Variants in LGSN observed in about 807,000 individuals in gnomAD.
The protein encoded by LGSN is lengsin.
LGSN carries 21 observed loss-of-function variants against 19.5 expected under a neutral mutation model. That is an observed-to-expected ratio of 1.07 (90% CI 0.76 to 1.55). The LOEUF (loss-of-function observed/expected upper bound fraction) is 1.55, where lower values mean the gene tolerates loss of function less well. Among genes scored for constraint, LGSN ranks in the 40% most tolerant of loss-of-function variants. The probability of loss-of-function intolerance (pLI) is 0.00; values close to 1 mark genes in which losing one functional copy is unlikely to be tolerated. For synonymous variants in LGSN, 257 were observed against 215.6 expected, an observed-to-expected ratio of 1.19 and a Z score of -1.68; for missense variants, 673 against 608.5, an observed-to-expected ratio of 1.11 and a Z score of -1.12.
the LGSN span, among the ~76,000 whole-genome samples, chr6:63,386,950 A>C: frequency 1.6e-4 from 24 of 152,166 alleles, no homozygotes; most frequent in African/African-American, 5.3e-4. Flanking sequence ...AAAATACAAA[A>C]ATCAGCCAGA....
At chr6:63,371,109 T>C in the LGSN span, among the ~76,000 whole-genome samples, 1 of 152,256 alleles carries the variant, frequency 6.6e-6, no homozygotes, top group Admixed American at 6.5e-5. Context: ...TATCATTATC[T>C]CTTTCCCTTT....
At chr6:63,339,961 C>A in the LGSN span, among the ~76,000 whole-genome samples, 1 of 152,030 alleles carries the variant, frequency 6.6e-6, no homozygotes, top group East Asian at 1.9e-4. Context: ...GTGATTAATT[C>A]CCTCAGTTTT....
the LGSN span, chr6:63,441,646 G>A: frequency 4.2e-6 from 2 of 480,896 alleles, no homozygotes; most frequent in East Asian, 5.2e-5. Context: ...AGAAGGCAGA[G>A]GAGAAAGAGT....
the LGSN span, chr6:63,441,122 T>A: frequency 5.6e-6 from 1 of 179,054 alleles, no homozygotes; most frequent in African/African-American, 2.4e-5. Context: ...GGCAGGAGAA[T>A]CGCTCTAACC....
the LGSN span, among the ~76,000 whole-genome samples, chr6:63,437,932 A>AAT: frequency 5.9e-5 from 9 of 151,708 alleles, no homozygotes; most frequent in South Asian, 2.1e-4. Context: ...TATCTCAAAA[A>AAT]ATATATATAT....
chr6:63,524,491 T>C, the LGSN span, among the ~76,000 whole-genome samples: 1 of 152,192 alleles, frequency 6.6e-6, no homozygotes, highest in African/African-American at 2.4e-5. Context: ...AGGTAGTATA[T>C]GTAAAAGCAT....
the LGSN span, among the ~76,000 whole-genome samples, chr6:63,365,884 A>C: frequency 6.6e-6 from 1 of 152,254 alleles, no homozygotes; most frequent in African/African-American, 2.4e-5. Context: ...GACAAAATTC[A>C]ACAGAGCTTC....
chr6:63,407,101 C>T, the LGSN span, among the ~76,000 whole-genome samples: 1 of 151,888 alleles, frequency 6.6e-6, no homozygotes, highest in Non-Finnish European at 1.5e-5. Context: ...ACCAGAGGTA[C>T]AAGGAGGAAC....
At chr6:63,443,511 AAC>A in the LGSN span, 1 of 569,446 alleles carries the variant, frequency 1.8e-6, no homozygotes, top group Non-Finnish European at 2.4e-6. Flanking sequence ...CACCAGCGTG[AAC>A]ACCATCTGTG....
the LGSN span, among the ~76,000 whole-genome samples, chr6:63,464,047 T>A: frequency 2.0e-5 from 3 of 152,234 alleles, no homozygotes; most frequent in African/African-American, 4.8e-5. Context: ...TGAAAAAAAA[T>A]TGACAATGAA....
chr6:63,283,259 AT>A (rs1307768104), intron 3 of LGSN, among the ~76,000 whole-genome samples: 1 of 152,184 alleles, frequency 6.6e-6, no homozygotes, highest in Non-Finnish European at 1.5e-5. Flanking sequence ...TCATGATAAT[AT>A]ATTGTCTTAA....
Position 63,293,087 on chromosome 6 carries a change from C to A in LGSN, c.163+1826G>T, listed in dbSNP as rs185589732. On this transcript the variant is annotated intron_variant, in intron 2 of 3. Transcript: ENST00000370657. ...GTAGCACAATCACAACTCACCTCAA[C>A]CTCCTGGGCTCAAGTGATCCTCCCA... Among the ~76,000 whole-genome samples, 11 of 152,272 alleles carry A rather than the reference C, an allele frequency of 7.2e-5. No individual in the cohort carries two copies. The South Asian group carries it at 1.2e-3, about 17-fold the overall frequency.
At chr6:63,333,866 A>T in the LGSN span, among the ~76,000 whole-genome samples, 1 of 152,254 alleles carries the variant, frequency 6.6e-6, no homozygotes, top group Admixed American at 6.5e-5. Context: ...AACAGAATGA[A>T]CAAAAACCAT....
chr6:63,515,002 C>T, the LGSN span, among the ~76,000 whole-genome samples: 4 of 152,004 alleles, frequency 2.6e-5, no homozygotes, highest in Non-Finnish European at 5.9e-5. Flanking sequence ...CTGTGCCGAG[C>T]CTTGCTTGTT....
the LGSN span, among the ~76,000 whole-genome samples, chr6:63,330,862 G>C: frequency 3.9e-5 from 6 of 152,210 alleles, no homozygotes; most frequent in African/African-American, 1.4e-4. Flanking sequence ...TTAAAGGCCA[G>C]GGTTTGATCT....
chr6:63,516,829 G>T, the LGSN span, among the ~76,000 whole-genome samples: 1 of 152,164 alleles, frequency 6.6e-6, no homozygotes, highest in Non-Finnish European at 1.5e-5. Context: ...TGGACATGAA[G>T]GCAGAAGCTC....
At chr6:63,442,361 G>A in the LGSN span, among the ~76,000 whole-genome samples, 1 of 152,156 alleles carries the variant, frequency 6.6e-6, no homozygotes, top group African/African-American at 2.4e-5. Context: ...CTGCTAGCTC[G>A]GGCAGCCTGC....
the LGSN span, among the ~76,000 whole-genome samples, chr6:63,460,963 C>T: frequency 1.0e-3 from 157 of 152,346 alleles, no homozygotes; most frequent in Non-Finnish European, 1.8e-3. Context: ...CACTGAATGT[C>T]TGGCATGAGG....
chr6:63,433,314 A>G, the LGSN span, among the ~76,000 whole-genome samples: 1 of 152,196 alleles, frequency 6.6e-6, no homozygotes, highest in African/African-American at 2.4e-5. Context: ...GCTTTAGATG[A>G]ATTAACTCAT....
Sources: allele counts gnomAD v4.1 joint callset (sites outside exome capture counted in the v4.1 genomes callset), GRCh38; gene constraint gnomAD v4.1.1; transcripts MANE v1.5; gene names NCBI Gene and HGNC (gene_info 2026-07-23, HGNC 2026-07-21).